Variants in KCNQ1 observed in about 807,000 individuals in gnomAD.
KCNQ1 encodes the protein potassium voltage-gated channel subfamily Q member 1.
A neutral mutation model predicts 72.4 loss-of-function variants in KCNQ1; 49 were observed. The ratio of observed to expected loss-of-function variants is 0.68; its 90% CI spans 0.54 to 0.86. The LOEUF (loss-of-function observed/expected upper bound fraction) is 0.86. KCNQ1 is among the 40% of genes least tolerant of loss of function. The pLI is 0.00. For synonymous variants in KCNQ1, 450 were observed against 412.6 expected (o/e 1.09, Z -1.10); for missense variants, 790 against 945.1 (o/e 0.84, Z 2.15).
In KCNQ1 at chr11:2,777,679, T is replaced by G. The variant is rs996074103; in HGVS notation, c.1733-297T>G. 5.0e-6 allele frequency: 3 copies of G among 597,016 alleles called. No individual in the cohort carries two copies. In the Admixed American group the frequency reaches 9.0e-5, roughly 18 times the overall value. 37.0% of individuals were successfully genotyped at this position (597,016 alleles called of 1,614,324 possible). A position where few individuals can be genotyped will look rare whatever the true frequency, so the allele number is the denominator to read the frequency against. ...GTGTCGCCCTGGGAGTGGAATGGCA[T>G]GGGCTTGCACAGCTGGCAGTGTGGC... On this transcript the variant is annotated intron_variant, in intron 14 of 15. Coordinates refer to ENST00000155840, the MANE Select transcript of KCNQ1 (RefSeq NM_000218.3).
intron 10 of KCNQ1, chr11:2,619,722 T>C (rs1173984482): frequency 1.3e-5 from 5 of 398,306 alleles, no homozygotes; most frequent in African/African-American, 6.2e-5. Context: ...ATTTTTTTTT[T>C]TTTGGAAGTA....
At position 2,451,611 on chromosome 11, in the gene KCNQ1, ACT is replaced by A. The variant is rs1846120006; in HGVS notation, c.386+6131_386+6132del. Among the ~76,000 whole-genome samples the A allele has an allele frequency of 1.3e-5, 2 of 151,790 alleles. No individual in the cohort carries two copies. Among genetic ancestry groups the A allele is most frequent in the African/African-American group, 4.8e-5 (2 of 41,284 alleles). On this transcript the variant is annotated intron_variant, in intron 1 of 15. Coordinates refer to ENST00000155840, the MANE Select transcript of KCNQ1 (RefSeq NM_000218.3). The surrounding 1 kb of genome is among the most constrained non-coding windows in gnomAD (Gnocchi z 6.4). ...GTCGTGGCTCCCTCATCGGCACCGG[ACT>A]CTCAGGATGAGCCGCCTGGAGTCTG...
At chr11:2,557,256 G>A (rs1848086264) in intron 2 of KCNQ1, among the ~76,000 whole-genome samples, 2 of 152,224 alleles carry the variant, frequency 1.3e-5, no homozygotes, top group Admixed American at 6.5e-5. Flanking sequence ...AGACCTGACT[G>A]TAATCTTTAA....
intron 6 of KCNQ1, among the ~76,000 whole-genome samples, chr11:2,576,678 G>A (rs1042121068): frequency 7.2e-5 from 11 of 152,252 alleles, no homozygotes; most frequent in African/African-American, 2.2e-4. Flanking sequence ...CCCTGGCAAC[G>A]CTGCACCCTG....
At position 2,544,370 on chromosome 11, in the gene KCNQ1, GTATATATA is replaced by G. The variant is rs1398058276; in HGVS notation, c.477+16354_477+16361del. ...TGTATATATATGTGTATATATATGTGTATATATATGTGTGCATATATGTGTATATATGT... is the reference window on the plus strand; with the variant it reads ...TGTATATATATGTGTATATATATGTGTGTGTGCATATATGTGTATATATGT... On this transcript the variant is annotated intron_variant, in intron 2 of 15. Transcript: ENST00000155840. The surrounding 1 kb of genome is among the most constrained non-coding windows in gnomAD (Gnocchi z 4.4). 1.1e-3 allele frequency among the ~76,000 whole-genome samples: 151 copies of G among 143,622 alleles called. 3 individuals carry two copies. The highest frequency in any genetic ancestry group is 8.6e-4 in the African/African-American group (33 of 38,288). The allele number at this position is 143,622 out of a possible 152,430, so 94.2% of individuals were successfully genotyped here. A position where few individuals can be genotyped will look rare whatever the true frequency, so the allele number is the denominator to read the frequency against.
intron 10 of KCNQ1, chr11:2,649,451 T>G (rs1309713145): frequency 5.0e-6 from 2 of 398,478 alleles, no homozygotes; most frequent in East Asian, 7.1e-5. Context: ...CCCTTAAGCA[T>G]TTCTTGTGGG....
chr11:2,811,887 C>G (rs896589991), intron 15 of KCNQ1, among the ~76,000 whole-genome samples: 3 of 152,218 alleles, frequency 2.0e-5, no homozygotes, highest in Non-Finnish European at 4.4e-5. Flanking sequence ...TCTACAGTTT[C>G]CTGAGCTCCC....
At position 2,566,410 on chromosome 11, in the gene KCNQ1, C is replaced by A. The variant is rs1023312849; in HGVS notation, c.478-4218C>A. Among the ~76,000 whole-genome samples, 1 of 152,154 alleles carries A rather than the reference C, an allele frequency of 6.6e-6. No individual in the cohort carries two copies. Among genetic ancestry groups the A allele is most frequent in the African/African-American group, 2.4e-5 (1 of 41,418 alleles). ...GGGGCGGGGCTCTCTCTGCCATGGA[C>A]GCCAGTCTTCCCTCCCCTAAGCTGC... On this transcript the variant is annotated intron_variant, in intron 2 of 15. Coordinates refer to ENST00000155840, the MANE Select transcript of KCNQ1 (RefSeq NM_000218.3). This position sits in a 1 kb window ranked among gnomAD's most constrained non-coding sequence, Gnocchi z 6.7.
chr11:2,814,292 TGG>T (rs1847565775), intron 15 of KCNQ1, among the ~76,000 whole-genome samples: 4 of 140,608 alleles, frequency 2.8e-5, no homozygotes, highest in African/African-American at 1.2e-4. Context: ...GATGGATGGA[TGG>T]ATGGATGGAT....
chr11:2,799,771 C>T (rs546478978), intron 15 of KCNQ1, among the ~76,000 whole-genome samples: 21 of 152,260 alleles, frequency 1.4e-4, no homozygotes, highest in Non-Finnish European at 2.6e-4. Flanking sequence ...GGGTTGGAAT[C>T]GGGAACATTT....
chr11:2,519,201 C>T (rs974862319), intron 1 of KCNQ1, among the ~76,000 whole-genome samples: 1 of 152,218 alleles, frequency 6.6e-6, no homozygotes, highest in Non-Finnish European at 1.5e-5. Context: ...TGGCAGCTGC[C>T]TGCTGCAGAT....
chr11:2,589,505 C>T (rs1350060317), intron 10 of KCNQ1, among the ~76,000 whole-genome samples: 2 of 152,234 alleles, frequency 1.3e-5, no homozygotes, highest in African/African-American at 2.4e-5. Context: ...CACGCTAACT[C>T]GTAAGCGTGG....
chr11:2,535,149 A>G (rs1039555427), intron 2 of KCNQ1, among the ~76,000 whole-genome samples: 28 of 152,210 alleles, frequency 1.8e-4, no homozygotes, highest in Admixed American at 1.8e-3. Flanking sequence ...CCTGGAGCCC[A>G]CCCCAGGGAG....
chr11:2,570,499 C>A, intron 2 of KCNQ1, 129 bp from the exon 3 acceptor site: 1 of 1,272,172 alleles, frequency 7.9e-7, no homozygotes, highest in Non-Finnish European at 1.1e-6. Flanking sequence ...AGGCCAGGAC[C>A]CGGGCCTGCT....
chr11:2,800,999 G>A (rs1367262541), intron 15 of KCNQ1, among the ~76,000 whole-genome samples: 1 of 152,150 alleles, frequency 6.6e-6, no homozygotes, highest in Non-Finnish European at 1.5e-5. Context: ...GCCCAGGGTG[G>A]GGACACTGGT....
At chr11:2,694,105 G>GT in intron 11 of KCNQ1, 1 of 398,676 alleles carries the variant, frequency 2.5e-6, no homozygotes, top group Non-Finnish European at 4.4e-6. Flanking sequence ...CAGCCCATAG[G>GT]TTGTGGGACT....
rs946196990 is a variant in KCNQ1, at chr11:2,617,949, T to C, written c.1393+29095T>C. On this transcript the variant is annotated intron_variant, in intron 10 of 15. Transcript: ENST00000155840. This position sits in a 1 kb window ranked among gnomAD's most constrained non-coding sequence, Gnocchi z 4.6. ...TTGGATATTATCCTCTTATAAGATATATGGTTGGCAAATATTTTCTTCTAG... is the reference window on the plus strand; with the variant it reads ...TTGGATATTATCCTCTTATAAGATACATGGTTGGCAAATATTTTCTTCTAG... 3 of 398,470 alleles carry C rather than the reference T, an allele frequency of 7.5e-6. No individual in the cohort carries two copies. Among genetic ancestry groups the C allele is most frequent in the Non-Finnish European group, 1.3e-5 (3 of 226,050 alleles). 24.7% of individuals were successfully genotyped at this position (398,470 alleles called of 1,614,324 possible). A position where few individuals can be genotyped will look rare whatever the true frequency, so the allele number is the denominator to read the frequency against.
rs141960532 is a variant in KCNQ1, at chr11:2,848,467, G to A, written c.*464G>A. 1.7e-3 allele frequency: 788 copies of A among 460,446 alleles called. 8 individuals carry two copies. The highest frequency in any genetic ancestry group is 0.014 in the African/African-American group (723 of 50,396). 28.5% of individuals were successfully genotyped at this position (460,446 alleles called of 1,614,324 possible). ...CACAGGCAGGGCAGGACCAGCCCAC[G>A]CTGACTACAGGGCCGCCGGCAATAA... is the stretch of plus-strand genomic sequence containing the variant. On this transcript the variant is annotated 3_prime_UTR_variant, in exon 16 of 16. Transcript: ENST00000155840.
intron 11 of KCNQ1, chr11:2,680,996 G>T: frequency 5.0e-6 from 2 of 398,478 alleles, no homozygotes; most frequent in Non-Finnish European, 8.8e-6. Flanking sequence ...GGTGAAATAG[G>T]TATGTGTTCT....
Sources: gnomAD v4.1 joint callset for allele counts (sites outside exome capture counted in the v4.1 genomes callset) on GRCh38, gnomAD v4.1.1 for gene constraint, Gnocchi (gnomAD v3.1) non-coding constraint, MANE v1.5 for transcripts, NCBI Gene and HGNC (gene_info 2026-07-23, HGNC 2026-07-21) for gene names.